AGPAT5: variants seen among roughly 807,000 people sequenced by gnomAD.
The protein encoded by AGPAT5 is 1-acyl-sn-glycerol-3-phosphate acyltransferase epsilon.
In AGPAT5, 46 loss-of-function variants were observed where a neutral mutation model predicts 45.6. That is an observed-to-expected ratio of 1.01 (90% confidence interval 0.80 to 1.29). The LOEUF (loss-of-function observed/expected upper bound fraction) is 1.29, where lower values mean the gene tolerates loss of function less well. Among genes scored for constraint, AGPAT5 ranks in the 50% most tolerant of loss-of-function variants. AGPAT5 has a pLI of 0.00. For synonymous variants in AGPAT5, 272 were observed against 167.0 expected (o/e 1.63, Z -4.85); for missense variants, 673 against 450.7 (o/e 1.49, Z -4.47).
chr8:6,736,372 A>T (rs1227881608), intron 4 of AGPAT5, among the ~76,000 whole-genome samples: 1 of 152,140 alleles, frequency 6.6e-6, no homozygotes, highest in Non-Finnish European at 1.5e-5. Context: ...ATTGTTTTTC[A>T]TTATATGAAG....
intron 2 of AGPAT5, among the ~76,000 whole-genome samples, chr8:6,728,411 C>T (rs943450157): frequency 6.6e-6 from 1 of 152,206 alleles, no homozygotes; most frequent in African/African-American, 2.4e-5. Flanking sequence ...ATATTGGTGA[C>T]ACAAAGCTTT....
At chr8:6,722,793 T>G (rs74602692) in intron 1 of AGPAT5, among the ~76,000 whole-genome samples, 4,882 of 152,290 alleles carry the variant, frequency 0.032, 133 homozygotes, top group African/African-American at 0.071. Flanking sequence ...GAAATCATTT[T>G]TATTGGCTAC....
intron 6 of AGPAT5, among the ~76,000 whole-genome samples, chr8:6,750,060 A>G (rs1285546878): frequency 6.6e-6 from 1 of 152,138 alleles, no homozygotes; most frequent in African/African-American, 2.4e-5. Context: ...CCTGCTTTCC[A>G]CAGGAAACCA....
At position 6,708,754 on chromosome 8, in the gene AGPAT5, T is replaced by C; in HGVS notation, c.86T>C (p.Val29Ala). 6.2e-7 allele frequency: 1 copy of C among 1,608,656 alleles called. No individual in the cohort carries two copies. The highest frequency in any genetic ancestry group is 1.1e-5 in the South Asian group (1 of 90,924). ...VVLLGTAPTY[V>A]LAWGVWRLLS... ...CTCCTGGGCACGGCGCCCACCTACG[T>C]GTTGGCCTGGGGGGTCTGGCGGCTG... Residue 29 changes from valine to alanine, a missense_variant, in exon 1 of 8, where the codon GTG becomes GCG. Transcript: ENST00000285518.
rs546147838 is a variant in AGPAT5, at chr8:6,749,387, G to C, written c.745+1559G>C. 1.4e-3 allele frequency among the ~76,000 whole-genome samples: 206 copies of C among 152,302 alleles called. 2 individuals carry two copies. Among genetic ancestry groups the C allele is most frequent in the Non-Finnish European group, 1.2e-3 (79 of 68,024 alleles). On this transcript the variant is annotated intron_variant, in intron 6 of 7. Transcript: ENST00000285518. ...TGTTCTCATAATTGTATATAACACA[G>C]AGTAATTGTAAAGTAGAAAACTAAG...
intron 6 of AGPAT5, among the ~76,000 whole-genome samples, chr8:6,749,681 C>T (rs1801593316): frequency 6.6e-6 from 1 of 152,172 alleles, no homozygotes; most frequent in South Asian, 2.1e-4. Flanking sequence ...GAAGGAGTTA[C>T]TTACCTATTT....
intron 4 of AGPAT5, among the ~76,000 whole-genome samples, chr8:6,734,235 A>C (rs115895901): frequency 6.7e-6 from 1 of 149,240 alleles, no homozygotes; most frequent in South Asian, 2.1e-4. Context: ...TAGTTCTTAG[A>C]TGCATTATTC....
At chr8:6,754,626 GGCA>G (rs1483173135) in intron 6 of AGPAT5, among the ~76,000 whole-genome samples, 2 of 152,168 alleles carry the variant, frequency 1.3e-5, no homozygotes, top group African/African-American at 2.4e-5. Flanking sequence ...CTGGTGGGGA[GGCA>G]GCAGTCACCA....
intron 2 of AGPAT5, among the ~76,000 whole-genome samples, chr8:6,728,190 C>T (rs1166997899): frequency 2.0e-5 from 3 of 152,196 alleles, no homozygotes; most frequent in Non-Finnish European, 4.4e-5. Flanking sequence ...GGAACTATGA[C>T]TCTGCTTTGG....
At chr8:6,742,151 T>G (rs1014799700) in intron 5 of AGPAT5, among the ~76,000 whole-genome samples, 1 of 152,158 alleles carries the variant, frequency 6.6e-6, no homozygotes, top group African/African-American at 2.4e-5. Flanking sequence ...GGTTGCAACT[T>G]GGAAGTTGTG....
chr8:6,740,587 A>G (rs566628565), intron 4 of AGPAT5, among the ~76,000 whole-genome samples: 2 of 151,638 alleles, frequency 1.3e-5, no homozygotes, highest in African/African-American at 4.8e-5. Context: ...TCTGAAGACT[A>G]TTATATGAAT....
chr8:6,740,439 G>A (rs927634108), intron 4 of AGPAT5, among the ~76,000 whole-genome samples: 3 of 149,092 alleles, frequency 2.0e-5, no homozygotes, highest in Admixed American at 2.0e-4. Context: ...TAACAGATCT[G>A]GTGAATCTTC....
intron 6 of AGPAT5, among the ~76,000 whole-genome samples, chr8:6,749,711 G>A (rs187091130): frequency 1.1e-4 from 17 of 152,282 alleles, no homozygotes; most frequent in Non-Finnish European, 2.4e-4. Context: ...AAAACAGACA[G>A]TTCATCAAGA....
intron 4 of AGPAT5, among the ~76,000 whole-genome samples, chr8:6,733,736 A>G (rs1033136249): frequency 1.3e-5 from 2 of 152,178 alleles, no homozygotes; most frequent in African/African-American, 4.8e-5. Context: ...AAAATCATGA[A>G]TTTATACCTT....
chr8:6,733,390 G>T (rs1014878976), intron 4 of AGPAT5, among the ~76,000 whole-genome samples: 1 of 152,172 alleles, frequency 6.6e-6, no homozygotes, highest in African/African-American at 2.4e-5. Context: ...AGCAGCTGGA[G>T]CTCATGGTGA....
chr8:6,713,704 G>C (rs956972218), intron 1 of AGPAT5, among the ~76,000 whole-genome samples: 2 of 142,850 alleles, frequency 1.4e-5, no homozygotes, highest in African/African-American at 5.4e-5. Context: ...CAGGTACACA[G>C]CACCATGCCC....
intron 5 of AGPAT5, among the ~76,000 whole-genome samples, chr8:6,742,803 C>G (rs1267296403): frequency 2.6e-5 from 4 of 152,108 alleles, no homozygotes; most frequent in Non-Finnish European, 5.9e-5. Flanking sequence ...TGTTTTTAAA[C>G]ACATGTCCTA....
rs372291985 is a variant in AGPAT5, at chr8:6,726,445, G to A, written c.289+1506G>A. Among the ~76,000 whole-genome samples, 14 of 152,284 alleles carry A rather than the reference G, an allele frequency of 9.2e-5. No individual in the cohort carries two copies. In the East Asian group the frequency reaches 2.3e-3, roughly 25 times the overall value. ...CCAGCTTTTCTTTGTCCAGGTTTCA[G>A]TATGAACTCCACTCGATTAATAGAG... On this transcript the variant is annotated intron_variant, in intron 2 of 7. Coordinates refer to ENST00000285518, the MANE Select transcript of AGPAT5 (RefSeq NM_018361.5).
chr8:6,723,600 T>C (rs958594782), intron 1 of AGPAT5, among the ~76,000 whole-genome samples: 10 of 152,230 alleles, frequency 6.6e-5, no homozygotes, highest in African/African-American at 2.2e-4. Flanking sequence ...GGGGATTTAC[T>C]CACAAGCCAC....
Sources: allele counts gnomAD v4.1 joint callset (sites outside exome capture counted in the v4.1 genomes callset), GRCh38; gene constraint gnomAD v4.1.1; transcripts MANE v1.5; gene names NCBI Gene and HGNC (gene_info 2026-07-23, HGNC 2026-07-21).